SV2C: variants seen among roughly 807,000 people sequenced by gnomAD.
SV2C encodes synaptic vesicle glycoprotein 2C.
A neutral mutation model predicts 79.7 loss-of-function variants in SV2C; 49 were observed. The observed-to-expected ratio is 0.61, with a 90% CI of 0.49 to 0.78. The LOEUF (loss-of-function observed/expected upper bound fraction) is 0.78, where lower values mean the gene tolerates loss of function less well. Among genes scored for constraint, SV2C ranks in the 30% least tolerant of loss-of-function variants. The pLI, the probability that SV2C is intolerant of heterozygous loss-of-function variation, is 0.00. For synonymous variants in SV2C, 334 were observed against 333.2 expected (o/e 1.00, Z -0.03); for missense variants, 833 against 912.9 (o/e 0.91, Z 1.13).
the SV2C span, among the ~76,000 whole-genome samples, chr5:75,900,189 C>T: frequency 1.3e-5 from 2 of 152,194 alleles, no homozygotes; most frequent in Admixed American, 6.5e-5. Context: ...CATGATTTTG[C>T]AGTGGCTGGT....
chr5:76,339,377 T>C (rs533603183), intron 12 of SV2C, among the ~76,000 whole-genome samples: 2 of 152,344 alleles, frequency 1.3e-5, no homozygotes, highest in South Asian at 2.1e-4. Flanking sequence ...AATAGAAAGA[T>C]AAAAACTGGT....
chr5:75,955,240 G>A, the SV2C span, among the ~76,000 whole-genome samples: 34,790 of 147,694 alleles, frequency 0.24, 5,315 homozygotes, highest in Non-Finnish European at 0.36. Context: ...AAATAACACC[G>A]CATATCTACA....
chr5:75,956,936 C>T, the SV2C span, among the ~76,000 whole-genome samples: 44 of 152,078 alleles, frequency 2.9e-4, no homozygotes, highest in African/African-American at 9.2e-4. Flanking sequence ...TCCCTTGTAA[C>T]TTCTCAGCCA....
the SV2C span, among the ~76,000 whole-genome samples, chr5:76,003,114 A>T: frequency 3.3e-5 from 5 of 152,108 alleles, no homozygotes; most frequent in African/African-American, 1.2e-4. Context: ...ACTTCTCCTT[A>T]CTGCCATCAT....
At chr5:76,209,201 A>G (rs928806301) in intron 3 of SV2C, among the ~76,000 whole-genome samples, 1 of 152,182 alleles carries the variant, frequency 6.6e-6, no homozygotes, top group Non-Finnish European at 1.5e-5. Context: ...CCCGTGAGTC[A>G]TTTCAACTAA....
intron 2 of SV2C, among the ~76,000 whole-genome samples, chr5:76,160,195 A>G (rs7713316): frequency 0.35 from 53,623 of 151,916 alleles, 9,652 homozygotes; most frequent in South Asian, 0.45. Flanking sequence ...AGAGAAATTT[A>G]TAGGTTATTA....
chr5:76,250,863 AAG>A (rs1463076122), intron 4 of SV2C, among the ~76,000 whole-genome samples: 2 of 152,140 alleles, frequency 1.3e-5, no homozygotes, highest in Non-Finnish European at 2.9e-5. Flanking sequence ...CTTTTTATAA[AAG>A]AGAAGATTAA....
rs1429079068 is a variant in SV2C at position 76,326,317 on chromosome 5, C to A, written c.*770C>A. 1 of 152,216 alleles carries A rather than the reference C, an allele frequency of 6.6e-6. No homozygotes were observed. Among genetic ancestry groups the A allele is most frequent in the Non-Finnish European group, 1.5e-5 (1 of 68,040 alleles). 9.4% of individuals were successfully genotyped at this position (152,216 alleles called of 1,614,324 possible). A position where few individuals can be genotyped will look rare whatever the true frequency, so the allele number is the denominator to read the frequency against. On this transcript the variant is annotated 3_prime_UTR_variant, in exon 13 of 13. Coordinates refer to ENST00000502798, the MANE Select transcript of SV2C (RefSeq NM_014979.4). ...AAATCAGAGATCCGAGAGAGAGCTT[C>A]TGCCTCCATTTACCACTCCCACTCC...
chr5:75,984,828 T>C, the SV2C span, among the ~76,000 whole-genome samples: 1 of 152,042 alleles, frequency 6.6e-6, no homozygotes, highest in African/African-American at 2.4e-5. Flanking sequence ...GTCTTAATTC[T>C]TCTCTGCAGG....
chr5:76,209,894 G>C lies in SV2C; in HGVS notation c.913+7G>C. On this transcript the variant is annotated splice_region_variant and intron_variant, in intron 4 of 12. Transcript: ENST00000502798. ...GCCATCATCCCGCACTACGGTAAGA[G>C]GCTGGCCTTGCCCCAGCTGGGCAGT... 1 of 1,608,580 alleles carries C rather than the reference G, an allele frequency of 6.2e-7. No individual in the cohort carries two copies. The highest frequency in any genetic ancestry group is 1.3e-5 in the African/African-American group (1 of 74,968).
chr5:76,047,895 C>T, the SV2C span, among the ~76,000 whole-genome samples: 3 of 151,538 alleles, frequency 2.0e-5, no homozygotes, highest in Non-Finnish European at 4.4e-5. Flanking sequence ...CCTAGCCTCC[C>T]TGGTAGCTGG....
chr5:76,048,595 G>T, the SV2C span, among the ~76,000 whole-genome samples: 3 of 152,106 alleles, frequency 2.0e-5, no homozygotes, highest in African/African-American at 7.2e-5. Flanking sequence ...AAGTAAAAAT[G>T]AGATATTAGA....
chr5:75,860,633 G>A, the SV2C span, among the ~76,000 whole-genome samples: 1 of 152,034 alleles, frequency 6.6e-6, no homozygotes, highest in Non-Finnish European at 1.5e-5. Context: ...AATAACCAAA[G>A]CAATCCTAAG....
chr5:76,059,182 T>C, the SV2C span, among the ~76,000 whole-genome samples: 1 of 152,090 alleles, frequency 6.6e-6, no homozygotes, highest in Non-Finnish European at 1.5e-5. Flanking sequence ...GTCTCAATGT[T>C]GATGGCTGCT....
intron 2 of SV2C, among the ~76,000 whole-genome samples, chr5:76,149,788 A>G (rs1158530361): frequency 1.3e-5 from 2 of 152,152 alleles, no homozygotes. Flanking sequence ...GTGGGGGGAC[A>G]TCTGTCCCTA....
At position 76,291,754 on chromosome 5, in the gene SV2C, C is replaced by G. The variant is rs745423000; in HGVS notation, c.1249-14C>G. 4 of 1,591,308 alleles carry G rather than the reference C, an allele frequency of 2.5e-6. No homozygotes were observed. In the Admixed American group the frequency reaches 5.1e-5, roughly 20 times the overall value. On this transcript the variant is annotated splice_polypyrimidine_tract_variant and intron_variant, in intron 7 of 12. Transcript: ENST00000502798. ...GTAACTGCATGAGAAAACTAACTCT[C>G]TAATATTTCACAGATTTGGTTGACT... is the stretch of plus-strand genomic sequence containing the variant.
intron 1 of SV2C, among the ~76,000 whole-genome samples, chr5:76,112,199 T>A (rs1748116429): frequency 6.6e-6 from 1 of 152,184 alleles, no homozygotes; most frequent in Non-Finnish European, 1.5e-5. Context: ...ATATGTTGTA[T>A]GTTGTCAGAT....
chr5:76,118,317 T>C (rs1020890883), intron 1 of SV2C, among the ~76,000 whole-genome samples: 1 of 152,194 alleles, frequency 6.6e-6, no homozygotes, highest in African/African-American at 2.4e-5. Context: ...TCATTGGATA[T>C]AGGGCCCACC....
chr5:75,971,947 A>G, the SV2C span, among the ~76,000 whole-genome samples: 16 of 152,260 alleles, frequency 1.1e-4, no homozygotes, highest in East Asian at 2.5e-3. Flanking sequence ...TACAGTAACC[A>G]AAACAGCATG....
Sources: allele counts gnomAD v4.1 joint callset (sites outside exome capture counted in the v4.1 genomes callset), GRCh38; gene constraint gnomAD v4.1.1; transcripts MANE v1.5; gene names NCBI Gene and HGNC (gene_info 2026-07-23, HGNC 2026-07-21).